Variants in ARHGAP15 observed in about 807,000 individuals in gnomAD.
ARHGAP15 encodes Rho GTPase activating protein 15.
In ARHGAP15, 51 loss-of-function variants were observed where a neutral mutation model predicts 63.7. The observed-to-expected ratio is 0.80, with a 90% CI of 0.64 to 1.01. The LOEUF is 1.01. Ranked by LOEUF, ARHGAP15 falls within the 50% of genes least tolerant of loss-of-function variation. ARHGAP15 has a pLI of 0.00. For missense variants in ARHGAP15, 560 were observed against 564.6 expected, an observed-to-expected ratio of 0.99 and a Z score of 0.08; for synonymous variants, 191 against 193.8, an observed-to-expected ratio of 0.99 and a Z score of 0.12.
rs1434865902 is a variant in ARHGAP15, at chr2:143,710,657, T to A, written c.1244+7133T>A. Among the ~76,000 whole-genome samples, 3 of 152,288 alleles carry A rather than the reference T, an allele frequency of 2.0e-5. No homozygotes were observed. In the East Asian group the frequency reaches 5.8e-4, roughly 29 times the overall value. ...TTGCTACCATCCCATCTATCATTGT[T>A]GTCTCTATTGTTAAGTGATGGCCAA... On this transcript the variant is annotated intron_variant, in intron 13 of 13. Transcript: ENST00000295095.
chr2:143,206,829 T>C (rs1363359523), intron 3 of ARHGAP15, among the ~76,000 whole-genome samples: 2 of 152,088 alleles, frequency 1.3e-5, no homozygotes, highest in Non-Finnish European at 2.9e-5. Flanking sequence ...CTGGATTATT[T>C]TGTAAAAATA....
intron 6 of ARHGAP15, among the ~76,000 whole-genome samples, chr2:143,431,015 A>G (rs568107618): frequency 6.6e-6 from 1 of 152,210 alleles, no homozygotes; most frequent in Non-Finnish European, 1.5e-5. Context: ...AAGGAGTTGT[A>G]GATAACCCAA....
chr2:143,487,958 A>G (rs1191233842), intron 9 of ARHGAP15, among the ~76,000 whole-genome samples: 1 of 152,254 alleles, frequency 6.6e-6, no homozygotes, highest in Non-Finnish European at 1.5e-5. Context: ...AGAAAGTCTA[A>G]GACAAACTAG....
At chr2:143,385,310 A>G (rs1403478220) in intron 6 of ARHGAP15, among the ~76,000 whole-genome samples, 1 of 152,108 alleles carries the variant, frequency 6.6e-6, no homozygotes, top group Non-Finnish European at 1.5e-5. Context: ...AGCTTAAACT[A>G]AAAAAAGGTC....
chr2:143,312,576 G>C (rs1382570332), intron 6 of ARHGAP15, among the ~76,000 whole-genome samples: 1 of 151,962 alleles, frequency 6.6e-6, no homozygotes, highest in Admixed American at 6.6e-5. Context: ...TTTTTATAGT[G>C]TATGTTCTTG....
intron 10 of ARHGAP15, among the ~76,000 whole-genome samples, chr2:143,534,966 T>C (rs1335201620): frequency 2.6e-5 from 4 of 152,074 alleles, no homozygotes; most frequent in African/African-American, 9.7e-5. Flanking sequence ...GAAAGAAAAA[T>C]TATTTTATAA....
At chr2:143,142,806 C>A (rs147742805) in intron 1 of ARHGAP15, among the ~76,000 whole-genome samples, 153 of 152,142 alleles carry the variant, frequency 1.0e-3, no homozygotes, top group African/African-American at 3.4e-3. Flanking sequence ...GGTTGCATAA[C>A]CCATTTCATC....
rs553522207 is a variant in ARHGAP15, at chr2:143,432,174, T to C, written c.475-3427T>C. On this transcript the variant is annotated intron_variant, in intron 6 of 13. Coordinates refer to ENST00000295095, the MANE Select transcript of ARHGAP15 (RefSeq NM_018460.4). Reference sequence around the variant, plus strand: ...TCCCAAATTCTACACAATGAAGTATTATTCTTAGAAAAAAGAAGTTCTAAA... The same window carrying C: ...TCCCAAATTCTACACAATGAAGTATCATTCTTAGAAAAAAGAAGTTCTAAA... 2.0e-5 allele frequency among the ~76,000 whole-genome samples: 3 copies of C among 152,208 alleles called. No homozygotes were observed. The South Asian group carries it at 6.2e-4, about 32-fold the overall frequency.
intron 9 of ARHGAP15, among the ~76,000 whole-genome samples, chr2:143,493,345 T>C (rs1337879515): frequency 6.6e-6 from 1 of 152,252 alleles, no homozygotes; most frequent in African/African-American, 2.4e-5. Flanking sequence ...ATTTTAGTCA[T>C]GTAAATACTA....
chr2:143,660,640 C>T (rs1339818418), intron 12 of ARHGAP15, among the ~76,000 whole-genome samples: 1 of 152,164 alleles, frequency 6.6e-6, no homozygotes, highest in Non-Finnish European at 1.5e-5. Flanking sequence ...GATGGATCTC[C>T]ACTGGGGTCA....
intron 6 of ARHGAP15, among the ~76,000 whole-genome samples, chr2:143,430,218 A>G (rs980116203): frequency 1.3e-5 from 2 of 151,360 alleles, no homozygotes; most frequent in Admixed American, 6.6e-5. Flanking sequence ...TTTACTTAAC[A>G]TCTAGCAACA....
chr2:143,422,595 G>A (rs1238265834), intron 6 of ARHGAP15, among the ~76,000 whole-genome samples: 2 of 152,160 alleles, frequency 1.3e-5, no homozygotes, highest in Admixed American at 6.6e-5. Context: ...ACCATTGGAT[G>A]ATTGCTGAAT....
At chr2:143,382,664 A>AC (rs946562880) in intron 6 of ARHGAP15, among the ~76,000 whole-genome samples, 3 of 152,132 alleles carry the variant, frequency 2.0e-5, no homozygotes, top group African/African-American at 4.8e-5. Context: ...TCAACCCATA[A>AC]CACCAACTAA....
At chr2:143,500,588 C>G (rs1693012539) in intron 9 of ARHGAP15, among the ~76,000 whole-genome samples, 1 of 152,140 alleles carries the variant, frequency 6.6e-6, no homozygotes, top group Non-Finnish European at 1.5e-5. Context: ...AAATAAGCCA[C>G]AAATATCCTG....
At chr2:143,503,603 G>A (rs925831853) in intron 9 of ARHGAP15, among the ~76,000 whole-genome samples, 3 of 152,154 alleles carry the variant, frequency 2.0e-5, no homozygotes, top group Non-Finnish European at 2.9e-5. Context: ...TTAGTATTGC[G>A]TACCAGTCCT....
intron 12 of ARHGAP15, among the ~76,000 whole-genome samples, chr2:143,640,374 C>A (rs547910461): frequency 6.6e-6 from 1 of 152,164 alleles, no homozygotes; most frequent in East Asian, 1.9e-4. Context: ...ACAGTAAATT[C>A]AAGAATTAAC....
Position 143,743,513 on chromosome 2 carries a change from A to G in ARHGAP15, c.1245-24476A>G, listed in dbSNP as rs566424751. Reference sequence around the variant, plus strand: ...CTTTCCCTGCCTGTGGCCTGTGTTAAGCTGCTTTATCAACCTGTGCCTCTT... The same window carrying G: ...CTTTCCCTGCCTGTGGCCTGTGTTAGGCTGCTTTATCAACCTGTGCCTCTT... On this transcript the variant is annotated intron_variant, in intron 13 of 13. Coordinates refer to ENST00000295095, the MANE Select transcript of ARHGAP15 (RefSeq NM_018460.4). 2.0e-4 allele frequency among the ~76,000 whole-genome samples: 30 copies of G among 152,176 alleles called. No homozygotes were observed. In the South Asian group the frequency reaches 6.2e-3, roughly 32 times the overall value.
chr2:143,203,958 C>A (rs1438873003), intron 3 of ARHGAP15, among the ~76,000 whole-genome samples: 1 of 152,024 alleles, frequency 6.6e-6, no homozygotes, highest in African/African-American at 2.4e-5. Context: ...AAACTGATCC[C>A]GATTTTTGCC....
At chr2:143,367,668 A>C (rs1686354080) in intron 6 of ARHGAP15, among the ~76,000 whole-genome samples, 1 of 151,598 alleles carries the variant, frequency 6.6e-6, no homozygotes. Flanking sequence ...TTTTTCTCAT[A>C]TGTTTTGGTG....
Sources: allele counts gnomAD v4.1 joint callset (sites outside exome capture counted in the v4.1 genomes callset), GRCh38; gene constraint gnomAD v4.1.1; transcripts MANE v1.5; gene names NCBI Gene and HGNC (gene_info 2026-07-23, HGNC 2026-07-21).